Variants in RSRC1 observed in about 807,000 individuals in gnomAD.
RSRC1 encodes the protein arginine and serine rich coiled-coil 1.
A neutral mutation model predicts 49.1 loss-of-function variants in RSRC1; 39 were observed. That is an observed-to-expected ratio of 0.79 (90% confidence interval 0.61 to 1.04). The LOEUF (loss-of-function observed/expected upper bound fraction) is 1.04. Ranked by LOEUF, RSRC1 falls within the 50% of genes least tolerant of loss-of-function variation. The pLI is 0.00. For missense variants in RSRC1, 388 were observed against 402.4 expected (o/e 0.96, Z 0.31); for synonymous variants, 143 against 130.8 (o/e 1.09, Z -0.63).
At chr3:158,514,593 G>A (rs1578565028) in intron 7 of RSRC1, among the ~76,000 whole-genome samples, 1 of 152,120 alleles carries the variant, frequency 6.6e-6, no homozygotes, top group Admixed American at 6.6e-5. Context: ...TGTATATTCT[G>A]TTGATTTGGG....
chr3:158,517,829 C>T (rs1040025747), intron 7 of RSRC1, among the ~76,000 whole-genome samples: 4 of 126,626 alleles, frequency 3.2e-5, no homozygotes, highest in South Asian at 2.5e-4. Context: ...GTCTTGAAAT[C>T]GTGGACTCAG....
Position 158,320,973 on chromosome 3 carries a change from T to C in RSRC1, c.531+22898T>C, listed in dbSNP as rs1578332350. Among the ~76,000 whole-genome samples the C allele has an allele frequency of 2.6e-5, 4 of 152,296 alleles. No homozygotes were observed. In the South Asian group the frequency reaches 8.3e-4, roughly 32 times the overall value. ...TTTAGAACACTGGTTCTTAATTTTT[T>C]TGGGCCACACATACCTTTGAGAATC... On this transcript the variant is annotated intron_variant, in intron 5 of 9. Transcript: ENST00000611884.
At chr3:158,364,816 A>AAATAATAATAATAAT (rs59055843) in intron 6 of RSRC1, among the ~76,000 whole-genome samples, 2,676 of 144,174 alleles carry the variant, frequency 0.019, 40 homozygotes, top group Middle Eastern at 0.032. Context: ...AGAATGGGAA[A>AAATAATAATAATAAT]AATAATAATA....
rs1656367 is a variant in RSRC1, at chr3:158,539,331, C to T, written c.759+2133C>T. On this transcript the variant is annotated intron_variant, in intron 8 of 9. Transcript: ENST00000611884. The surrounding 1 kb of genome is among the most constrained non-coding windows in gnomAD (Gnocchi z 4.1). ...TGGCTATTACCAGTGACATGCTAGA[C>T]ATTGTGTCTCCTGCAACACATATTG... Among the ~76,000 whole-genome samples, 7,893 of 152,114 alleles carry T rather than the reference C, an allele frequency of 0.052. 296 individuals carry two copies. Among genetic ancestry groups the T allele is most frequent in the Middle Eastern group, 0.082 (24 of 292 alleles).
intron 3 of RSRC1, among the ~76,000 whole-genome samples, chr3:158,176,433 G>T (rs1455857115): frequency 6.6e-6 from 1 of 152,154 alleles, no homozygotes; most frequent in Non-Finnish European, 1.5e-5. Flanking sequence ...AAAAAGCATG[G>T]TACTGGTACC....
At chr3:158,193,837 G>A (rs1192926646) in intron 3 of RSRC1, among the ~76,000 whole-genome samples, 4 of 152,084 alleles carry the variant, frequency 2.6e-5, no homozygotes, top group Non-Finnish European at 5.9e-5. Context: ...AATAGTCAAG[G>A]AAGCTTATAA....
intron 7 of RSRC1, among the ~76,000 whole-genome samples, chr3:158,475,251 CA>C (rs1445532172): frequency 2.0e-5 from 3 of 151,944 alleles, no homozygotes; most frequent in Non-Finnish European, 4.4e-5. Flanking sequence ...TTTTCTTCAA[CA>C]AGTATTTATT....
intron 3 of RSRC1, among the ~76,000 whole-genome samples, chr3:158,176,862 T>G (rs1719253347): frequency 6.6e-6 from 1 of 152,136 alleles, no homozygotes; most frequent in Non-Finnish European, 1.5e-5. Flanking sequence ...ACAGGCAACC[T>G]ACAGAATGGG....
intron 5 of RSRC1, among the ~76,000 whole-genome samples, chr3:158,332,971 G>GTTT (rs371669802): frequency 2.2e-5 from 3 of 136,114 alleles, no homozygotes; most frequent in Admixed American, 7.3e-5. Flanking sequence ...TCTGTTTTTT[G>GTTT]TTTTTTTTTT....
intron 7 of RSRC1, among the ~76,000 whole-genome samples, chr3:158,510,229 G>T (rs1032449382): frequency 6.6e-6 from 1 of 152,112 alleles, no homozygotes; most frequent in East Asian, 1.9e-4. Flanking sequence ...TCTCATGTAT[G>T]TATTGGTCAT....
chr3:158,329,196 C>T (rs1316129688), intron 5 of RSRC1, among the ~76,000 whole-genome samples: 9 of 152,172 alleles, frequency 5.9e-5, no homozygotes, highest in African/African-American at 2.2e-4. Context: ...CCTCCTTTAG[C>T]TCTGAGAAGT....
At chr3:158,185,537 A>G (rs929365452) in intron 3 of RSRC1, among the ~76,000 whole-genome samples, 7 of 151,902 alleles carry the variant, frequency 4.6e-5, no homozygotes. Context: ...TGCTGTAAAC[A>G]TCATTTTGCT....
At position 158,455,979 on chromosome 3, in the gene RSRC1, C is replaced by CAAAAA. The variant is rs765828003; in HGVS notation, c.584-4925_584-4921dup. Among the ~76,000 whole-genome samples, 123 of 56,502 alleles carry CAAAAA rather than the reference C, an allele frequency of 2.2e-3. 3 individuals are homozygous for CAAAAA. The highest frequency in any genetic ancestry group is 2.9e-3 in the South Asian group (3 of 1,032). 37.1% of individuals were successfully genotyped at this position (56,502 alleles called of 152,430 possible). A position where few individuals can be genotyped will look rare whatever the true frequency, so the allele number is the denominator to read the frequency against. ...TGGGGGACAGAGCAAGACTCCATCT[C>CAAAAA]AAAAAAAAAAAAAAAAAAAAAAAAA... On this transcript the variant is annotated intron_variant, in intron 6 of 9. Transcript: ENST00000611884.
At chr3:158,277,228 T>C (rs1725868747) in intron 4 of RSRC1, among the ~76,000 whole-genome samples, 1 of 152,148 alleles carries the variant, frequency 6.6e-6, no homozygotes, top group African/African-American at 2.4e-5. Flanking sequence ...TTGATTAGGG[T>C]TCTAAATTAA....
intron 4 of RSRC1, among the ~76,000 whole-genome samples, chr3:158,290,311 C>CA (rs1726850210): frequency 6.6e-6 from 1 of 151,968 alleles, no homozygotes; most frequent in African/African-American, 2.4e-5. Context: ...CTTGCTCTGT[C>CA]TCCCAGGCTG....
At chr3:158,441,554 A>G (rs1736381253) in intron 6 of RSRC1, among the ~76,000 whole-genome samples, 1 of 152,112 alleles carries the variant, frequency 6.6e-6, no homozygotes, top group African/African-American at 2.4e-5. Flanking sequence ...TTTAACAGAT[A>G]ATCTCTCCAA....
chr3:158,327,535 A>T (rs577467898), intron 5 of RSRC1, among the ~76,000 whole-genome samples: 97 of 152,182 alleles, frequency 6.4e-4, no homozygotes, highest in African/African-American at 2.1e-3. Context: ...CATGTAGTTG[A>T]GCAGTTTTGA....
intron 7 of RSRC1, among the ~76,000 whole-genome samples, chr3:158,518,975 A>G (rs1440076924): frequency 6.6e-6 from 1 of 152,108 alleles, no homozygotes; most frequent in East Asian, 1.9e-4. Context: ...TTTTATCTGA[A>G]GTACAGGCTC....
At chr3:158,324,354 C>G (rs2693531) in intron 5 of RSRC1, among the ~76,000 whole-genome samples, 151,091 of 152,226 alleles carry the variant, frequency 0.99, 74,986 homozygotes, top group Middle Eastern at 1. Flanking sequence ...TTTACATTAG[C>G]TATATCTCCT....
Sources: allele counts gnomAD v4.1 joint callset (sites outside exome capture counted in the v4.1 genomes callset), GRCh38; gene constraint gnomAD v4.1.1; non-coding constraint Gnocchi (gnomAD v3.1); transcripts MANE v1.5; gene names NCBI Gene and HGNC (gene_info 2026-07-23, HGNC 2026-07-21).